Variants in UBE2D3 observed in about 807,000 individuals in gnomAD.
UBE2D3 encodes ubiquitin conjugating enzyme E2 D3, also known as ubiquitin-conjugating enzyme E2 D3.
Under a neutral mutation model 22.8 loss-of-function variants are expected in UBE2D3, and 2 were observed. The observed-to-expected ratio is 0.09, with a 90% CI of 0.04 to 0.28. The LOEUF is 0.28. Among genes scored for constraint, UBE2D3 ranks in the 10% least tolerant of loss-of-function variants. The pLI is 1.00. For synonymous variants in UBE2D3, 56 were observed against 60.4 expected, an observed-to-expected ratio of 0.93 and a Z score of 0.34; for missense variants, 27 against 182.5, an observed-to-expected ratio of 0.15 and a Z score of 4.91.
At chr4:102,825,600 C>T in intron 2 of UBE2D3, 1 of 1,219,770 alleles carries the variant, frequency 8.2e-7, no homozygotes, top group Non-Finnish European at 1.1e-6. Flanking sequence ...AGGTTCCGCT[C>T]ACTCCCAGAG....
Position 102,796,869 on chromosome 4 carries a change from T to A in UBE2D3, c.*546A>T, listed in dbSNP as rs1390983231. The A allele has an allele frequency of 6.6e-6, 1 of 152,484 alleles. No individual in the cohort carries two copies. The highest frequency in any genetic ancestry group is 2.4e-5 in the African/African-American group (1 of 41,434). The allele number at this position is 152,484 out of a possible 1,614,324, so 9.4% of individuals were successfully genotyped here. On this transcript the variant is annotated 3_prime_UTR_variant, in exon 8 of 8. Coordinates refer to ENST00000453744, the MANE Select transcript of UBE2D3 (RefSeq NM_181891.3). ...CCTTTATTGACATGCATAAAATACATCACATTTTCTGTTCTGCTGATGCTA... is the reference window on the plus strand; with the variant it reads ...CCTTTATTGACATGCATAAAATACAACACATTTTCTGTTCTGCTGATGCTA...
rs569155836 is a variant in UBE2D3 at position 102,798,957 on chromosome 4, T to A, written c.398+450A>T. On this transcript the variant is annotated intron_variant, in intron 7 of 7. Transcript: ENST00000453744. ...CAACATAGCGTATTTCTCTGTCCAC[T>A]CTCTTGCTAACCTATTGTACCTAAT... is the stretch of plus-strand genomic sequence containing the variant. The A allele has an allele frequency of 1.9e-6, 3 of 1,611,910 alleles. No homozygotes were observed. The East Asian group carries it at 6.7e-5, about 36-fold the overall frequency.
chr4:102,835,281 G>T (rs1731331394), intron 1 of UBE2D3, among the ~76,000 whole-genome samples: 5 of 152,114 alleles, frequency 3.3e-5, no homozygotes, highest in Admixed American at 3.3e-4. Context: ...AGACAATACA[G>T]TATATTTACA....
At chr4:102,832,674 G>C (rs1356193860) in intron 1 of UBE2D3, among the ~76,000 whole-genome samples, 1 of 152,078 alleles carries the variant, frequency 6.6e-6, no homozygotes, top group Non-Finnish European at 1.5e-5. Context: ...ATATTTGGGG[G>C]CGGGGGGAAT....
In UBE2D3 at chr4:102,802,652, A is replaced by C. The variant is rs546973059; in HGVS notation, c.121-14T>G. 1.9e-6 allele frequency: 3 copies of C among 1,574,004 alleles called. No individual in the cohort carries two copies. The highest frequency in any genetic ancestry group is 1.7e-4 in the Middle Eastern group (1 of 5,922). ...TGGGCTGTCATTCTGTAAAAAGAAA[A>C]GTATGCTTAACTCAAATTTAAAATA... On this transcript the variant is annotated splice_polypyrimidine_tract_variant and intron_variant, in intron 4 of 7. Transcript: ENST00000453744.
intron 1 of UBE2D3, chr4:102,827,021 C>T: frequency 9.1e-6 from 9 of 993,376 alleles, no homozygotes; most frequent in Non-Finnish European, 1.1e-5. Context: ...GGACGGACGC[C>T]GGGCTGCTTT....
At chr4:102,801,065 A>G (rs929591869) in intron 6 of UBE2D3, among the ~76,000 whole-genome samples, 2 of 152,038 alleles carry the variant, frequency 1.3e-5, no homozygotes, top group Admixed American at 6.6e-5. Context: ...GAATTTTCCT[A>G]GAGTGGAAAC....
intron 1 of UBE2D3, among the ~76,000 whole-genome samples, chr4:102,855,781 C>G (rs1286363644): frequency 2.0e-5 from 3 of 152,020 alleles, no homozygotes; most frequent in Non-Finnish European, 4.4e-5. Flanking sequence ...ATTCATCAGT[C>G]AACAAGATAG....
chr4:102,811,678 C>CA (rs538419936), intron 2 of UBE2D3: 4,745 of 333,306 alleles, frequency 0.014, 1 homozygote, highest in South Asian at 0.028. Flanking sequence ...TCAAAAACAA[C>CA]AAAAAAAAAA....
intron 6 of UBE2D3, among the ~76,000 whole-genome samples, chr4:102,800,648 T>C (rs1255972245): frequency 1.3e-5 from 2 of 152,070 alleles, no homozygotes; most frequent in African/African-American, 2.4e-5. Flanking sequence ...TCTGCCTAAG[T>C]TGTTTCTTTT....
chr4:102,799,314 A>G (rs1263811274), intron 7 of UBE2D3, 93 bp downstream of exon 7: 4 of 955,616 alleles, frequency 4.2e-6, no homozygotes, highest in Non-Finnish European at 6.3e-6. Context: ...TTATCTTACT[A>G]AATATCAAGT....
At chr4:102,845,275 G>A (rs780403337) in intron 1 of UBE2D3, among the ~76,000 whole-genome samples, 1 of 152,116 alleles carries the variant, frequency 6.6e-6, no homozygotes, top group Non-Finnish European at 1.5e-5. Context: ...TCTAGTGAAT[G>A]GTCACTGGTC....
At chr4:102,808,959 A>C (rs963814329) in intron 4 of UBE2D3, 1 of 157,520 alleles carries the variant, frequency 6.3e-6, no homozygotes, top group Non-Finnish European at 1.4e-5. Context: ...CAAAAAGGGA[A>C]GACAGTTTTC....
chr4:102,834,702 T>A (rs1197055173), intron 1 of UBE2D3, among the ~76,000 whole-genome samples: 1 of 151,358 alleles, frequency 6.6e-6, no homozygotes, highest in Non-Finnish European at 1.5e-5. Flanking sequence ...TGAGCTGTGA[T>A]CAGGCCACTG....
chr4:102,825,462 A>T, intron 2 of UBE2D3: 1 of 1,143,656 alleles, frequency 8.7e-7, no homozygotes, highest in Non-Finnish European at 1.1e-6. Flanking sequence ...ACATTTAACA[A>T]ATCATATTAA....
intron 1 of UBE2D3, among the ~76,000 whole-genome samples, chr4:102,853,962 T>C (rs1332663828): frequency 6.6e-6 from 1 of 152,206 alleles, no homozygotes; most frequent in Non-Finnish European, 1.5e-5. Flanking sequence ...AGGCACTCAG[T>C]AAATGTTAGT....
At chr4:102,860,530 C>T (rs368222837) in intron 1 of UBE2D3, among the ~76,000 whole-genome samples, 2 of 151,812 alleles carry the variant, frequency 1.3e-5, no homozygotes, top group Non-Finnish European at 2.9e-5. Flanking sequence ...GAAAGACGTT[C>T]ACCAGTCAGC....
chr4:102,860,256 T>C (rs1385665550), intron 1 of UBE2D3, among the ~76,000 whole-genome samples: 1 of 151,976 alleles, frequency 6.6e-6, no homozygotes, highest in Non-Finnish European at 1.5e-5. Flanking sequence ...CTGAATTCTT[T>C]ATCAGGTAAT....
intron 1 of UBE2D3, among the ~76,000 whole-genome samples, chr4:102,837,885 C>T (rs905771817): frequency 6.6e-5 from 10 of 152,268 alleles, no homozygotes; most frequent in Non-Finnish European, 1.3e-4. Context: ...ACCCGGGAGG[C>T]GGAGCTTGCA....
Sources: allele counts gnomAD v4.1 joint callset (sites outside exome capture counted in the v4.1 genomes callset), GRCh38; gene constraint gnomAD v4.1.1; transcripts MANE v1.5; gene names NCBI Gene and HGNC (gene_info 2026-07-23, HGNC 2026-07-21).